The following MKX variants were observed in gnomAD, a reference collection of about 807,000 sequenced individuals.
MKX encodes the protein mohawk homeobox, also known as homeobox protein Mohawk.
Under a neutral mutation model 36.0 loss-of-function variants are expected in MKX, and 13 were observed. The ratio of observed to expected loss-of-function variants is 0.36; its 90% CI spans 0.24 to 0.57. MKX has a LOEUF of 0.57. MKX is among the 20% of genes least tolerant of loss of function. MKX has a pLI of 0.79. For missense variants in MKX, 458 were observed against 456.4 expected (o/e 1.00, Z -0.03); for synonymous variants, 176 against 178.3 (o/e 0.99, Z 0.10).
chr10:27,719,977 T>TC (rs1834339432), intron 5 of MKX, among the ~76,000 whole-genome samples: 1 of 94,602 alleles, frequency 1.1e-5, no homozygotes, highest in African/African-American at 5.8e-5. Flanking sequence ...CAACAGAGTC[T>TC]CAAAAAAAAA....
At position 27,741,979 on chromosome 10, in the gene MKX, C is replaced by A. The variant is rs1398658370; in HGVS notation, c.189-475G>T. Among the ~76,000 whole-genome samples the A allele has an allele frequency of 6.6e-6, 1 of 152,104 alleles. No homozygotes were observed. Among genetic ancestry groups the A allele is most frequent in the East Asian group, 1.9e-4 (1 of 5,144 alleles). ...CGTCGCTTGTGGTCAGGGGAAAGGT[C>A]GCCGACTGGACATAGGGAATAAAGC... On this transcript the variant is annotated intron_variant, in intron 2 of 6. Coordinates refer to ENST00000419761, the MANE Select transcript of MKX (RefSeq NM_173576.3). The surrounding 1 kb of genome is among the most constrained non-coding windows in gnomAD (Gnocchi z 5.1).
At chr10:27,707,668 G>A (rs1457627201) in intron 5 of MKX, among the ~76,000 whole-genome samples, 3 of 152,142 alleles carry the variant, frequency 2.0e-5, no homozygotes, top group Admixed American at 6.5e-5. Flanking sequence ...AGTTACTGGC[G>A]GCAACACTTA....
intron 5 of MKX, among the ~76,000 whole-genome samples, chr10:27,711,475 CTTTCTT>C (rs569642876): frequency 0.36 from 12,404 of 33,998 alleles, 735 homozygotes; most frequent in Non-Finnish European, 0.48. Flanking sequence ...TTCTTTCTTT[CTTTCTT>C]TCTCTCTCTC....
intron 5 of MKX, among the ~76,000 whole-genome samples, chr10:27,686,022 C>G (rs1386641874): frequency 6.6e-6 from 1 of 152,128 alleles, no homozygotes; most frequent in Non-Finnish European, 1.5e-5. Flanking sequence ...TCTACCAGTC[C>G]CACTGACCAA....
At chr10:27,717,264 C>T (rs757060801) in intron 5 of MKX, among the ~76,000 whole-genome samples, 3 of 152,294 alleles carry the variant, frequency 2.0e-5, no homozygotes, top group South Asian at 2.1e-4. Context: ...GCCAGACTTC[C>T]GACTTCCAGA....
intron 5 of MKX, among the ~76,000 whole-genome samples, chr10:27,714,301 T>C (rs985680345): frequency 3.3e-5 from 5 of 152,246 alleles, no homozygotes; most frequent in African/African-American, 9.6e-5. Flanking sequence ...ATGTTCCATG[T>C]TATTTTAGTT....
At chr10:27,709,980 A>G (rs577345137) in intron 5 of MKX, among the ~76,000 whole-genome samples, 23 of 152,324 alleles carry the variant, frequency 1.5e-4, no homozygotes, top group African/African-American at 5.5e-4. Context: ...TAGTATAGAA[A>G]TTATCAATGA....
intron 5 of MKX, among the ~76,000 whole-genome samples, chr10:27,679,093 A>G (rs899586572): frequency 7.2e-5 from 11 of 152,204 alleles, no homozygotes; most frequent in African/African-American, 2.4e-4. Context: ...GAAAAAAATC[A>G]TCTTACATCA....
In MKX at chr10:27,674,388, T is replaced by C. The variant is rs1267786635; in HGVS notation, c.*841A>G. 6.5e-6 allele frequency: 1 copy of C among 152,728 alleles called. No individual in the cohort carries two copies. The highest frequency in any genetic ancestry group is 1.5e-5 in the Non-Finnish European group (1 of 68,020). The allele number at this position is 152,728 out of a possible 1,614,324, so 9.5% of individuals were successfully genotyped here. A position where few individuals can be genotyped will look rare whatever the true frequency, so the allele number is the denominator to read the frequency against. Reference sequence around the variant, plus strand: ...ATCACAAAAAGACAGTGAGCTCTAATGCAAACAGGATTATGTTTTAAAACT... The same window carrying C: ...ATCACAAAAAGACAGTGAGCTCTAACGCAAACAGGATTATGTTTTAAAACT... On this transcript the variant is annotated 3_prime_UTR_variant, in exon 7 of 7. Transcript: ENST00000419761.
At chr10:27,694,527 A>AAAAAAAATAT (rs547670335) in intron 5 of MKX, among the ~76,000 whole-genome samples, 1 of 114,334 alleles carries the variant, frequency 8.7e-6, no homozygotes, top group Admixed American at 1.0e-4. Context: ...AAAAAAAAAA[A>AAAAAAAATAT]ATATATATAT....
intron 3 of MKX, among the ~76,000 whole-genome samples, chr10:27,737,237 C>A (rs1834799884): frequency 6.6e-6 from 1 of 152,168 alleles, no homozygotes. Context: ...CTTTATCCAG[C>A]CATACTACTA....
At chr10:27,719,156 A>C (rs1055281668) in intron 5 of MKX, among the ~76,000 whole-genome samples, 1 of 152,182 alleles carries the variant, frequency 6.6e-6, no homozygotes, top group Non-Finnish European at 1.5e-5. Context: ...AAAACAATAA[A>C]AGGTACCATT....
chr10:27,683,474 A>G (rs1259227500), intron 5 of MKX, among the ~76,000 whole-genome samples: 1 of 152,250 alleles, frequency 6.6e-6, no homozygotes, highest in Non-Finnish European at 1.5e-5. Flanking sequence ...TGCATTTCTT[A>G]GAGCACTTCC....
chr10:27,676,202 G>T (rs374767281), intron 5 of MKX, among the ~76,000 whole-genome samples: 1 of 151,668 alleles, frequency 6.6e-6, no homozygotes, highest in East Asian at 2.0e-4. Flanking sequence ...TGAGCCCAGG[G>T]GGGTGAAGGT....
chr10:27,681,922 AAG>A (rs200271469), intron 5 of MKX, among the ~76,000 whole-genome samples: 29 of 143,350 alleles, frequency 2.0e-4, no homozygotes, highest in East Asian at 1.7e-3. Context: ...ACTACGTCTC[AAG>A]AAAAAAAAAA....
chr10:27,701,827 G>GTGTA (rs899191210), intron 5 of MKX, among the ~76,000 whole-genome samples: 2 of 145,492 alleles, frequency 1.4e-5, no homozygotes, highest in African/African-American at 5.1e-5. Context: ...GTGTGTGTGT[G>GTGTA]TATATATATA....
intron 5 of MKX, among the ~76,000 whole-genome samples, chr10:27,678,161 T>C (rs2132486413): frequency 6.6e-6 from 1 of 152,316 alleles, no homozygotes; most frequent in South Asian, 2.1e-4. Context: ...AAGTCATTTT[T>C]TATTGAGTTC....
chr10:27,675,576 C>G (rs1294583692), intron 5 of MKX, 22 bp from the exon 6 acceptor site: 1 of 1,609,418 alleles, frequency 6.2e-7, no homozygotes, highest in East Asian at 2.2e-5. Flanking sequence ...AGCAAAAATT[C>G]AATTATTTTT....
intron 5 of MKX, among the ~76,000 whole-genome samples, chr10:27,686,612 G>A (rs1836359124): frequency 6.6e-6 from 1 of 152,034 alleles, no homozygotes; most frequent in African/African-American, 2.4e-5. Context: ...GAGTAGCTGG[G>A]ATTACAGGTG....
Sources: gnomAD v4.1 joint callset for allele counts (sites outside exome capture counted in the v4.1 genomes callset) on GRCh38, gnomAD v4.1.1 for gene constraint, Gnocchi (gnomAD v3.1) non-coding constraint, MANE v1.5 for transcripts, NCBI Gene and HGNC (gene_info 2026-07-23, HGNC 2026-07-21) for gene names.